Variants in KIAA1958 observed in about 807,000 individuals in gnomAD.
The protein encoded by KIAA1958 is uncharacterized protein KIAA1958.
A neutral mutation model predicts 47.2 loss-of-function variants in KIAA1958; 14 were observed. That is an observed-to-expected ratio of 0.30 (90% CI 0.20 to 0.46). The LOEUF is 0.46. Among genes scored for constraint, KIAA1958 ranks in the 20% least tolerant of loss-of-function variants. The probability of loss-of-function intolerance (pLI) is 1.00; values close to 1 mark genes in which losing one functional copy is unlikely to be tolerated. For missense variants in KIAA1958, 803 were observed against 909.2 expected, an observed-to-expected ratio of 0.88 and a Z score of 1.50; for synonymous variants, 354 against 353.3, an observed-to-expected ratio of 1.00 and a Z score of -0.02.
chr9:112,627,620 G>T (rs1836640154), intron 2 of KIAA1958, among the ~76,000 whole-genome samples: 1 of 152,170 alleles, frequency 6.6e-6, no homozygotes, highest in Non-Finnish European at 1.5e-5. Flanking sequence ...TGGGTGTGGT[G>T]GCTCACACCT....
At chr9:112,496,731 G>C (rs3849132) in intron 1 of KIAA1958, among the ~76,000 whole-genome samples, 1 of 152,138 alleles carries the variant, frequency 6.6e-6, no homozygotes, top group Non-Finnish European at 1.5e-5. Flanking sequence ...TTAGGTTCTT[G>C]TGGTCTCGCG....
In KIAA1958 at chr9:112,576,311, C is replaced by T. The variant is rs182946862; in HGVS notation, c.1171+1060C>T. ...ATTTATATCCTGATTGAAGATTATG[C>T]TTTTCAGTTTATTCACTTTTATCTT... On this transcript the variant is annotated intron_variant, in intron 2 of 3. Coordinates refer to ENST00000337530, the MANE Select transcript of KIAA1958 (RefSeq NM_133465.4). Among the ~76,000 whole-genome samples, 27 of 152,156 alleles carry T rather than the reference C, an allele frequency of 1.8e-4. No homozygotes were observed. The East Asian group carries it at 5.0e-3, about 28-fold the overall frequency.
At chr9:112,623,188 A>G (rs1481087105) in intron 2 of KIAA1958, among the ~76,000 whole-genome samples, 13 of 152,232 alleles carry the variant, frequency 8.5e-5, no homozygotes, top group Non-Finnish European at 1.6e-4. Flanking sequence ...AGGTGCACAT[A>G]TGCATCAGAG....
In KIAA1958 at chr9:112,663,399, G is replaced by C. The variant is rs1837310702; in HGVS notation, c.*3330G>C. On this transcript the variant is annotated 3_prime_UTR_variant, in exon 4 of 4. Coordinates refer to ENST00000337530, the MANE Select transcript of KIAA1958 (RefSeq NM_133465.4). ...CATGCAATAAATGTTAGCCAGCTTA[G>C]TTATAACTTTTGGTAATAATTAATA... is the stretch of plus-strand genomic sequence containing the variant. 6.6e-6 allele frequency: 1 copy of C among 152,182 alleles called. No individual in the cohort carries two copies. Among genetic ancestry groups the C allele is most frequent in the Non-Finnish European group, 1.5e-5 (1 of 68,038 alleles). The allele number at this position is 152,182 out of a possible 1,614,324, so 9.4% of individuals were successfully genotyped here. A position where few individuals can be genotyped will look rare whatever the true frequency, so the allele number is the denominator to read the frequency against.
chr9:112,642,032 T>C (rs569992844), intron 2 of KIAA1958, among the ~76,000 whole-genome samples: 62 of 152,334 alleles, frequency 4.1e-4, no homozygotes, highest in Non-Finnish European at 7.6e-4. Context: ...GTGACTGTCA[T>C]GCTACTGGTT....
At chr9:112,531,155 G>A (rs1400725806) in intron 1 of KIAA1958, among the ~76,000 whole-genome samples, 3 of 152,184 alleles carry the variant, frequency 2.0e-5, no homozygotes, top group Admixed American at 6.5e-5. Context: ...TTGGGAGGCC[G>A]AGGCAGGCGT....
At chr9:112,549,061 C>T (rs75520399) in intron 1 of KIAA1958, among the ~76,000 whole-genome samples, 1,867 of 152,290 alleles carry the variant, frequency 0.012, 33 homozygotes, top group African/African-American at 0.042. Context: ...TTAAGGAATC[C>T]TGTCTGTGGT....
At chr9:112,631,646 A>C (rs1251811338) in intron 2 of KIAA1958, among the ~76,000 whole-genome samples, 1 of 152,154 alleles carries the variant, frequency 6.6e-6, no homozygotes, top group East Asian at 1.9e-4. Flanking sequence ...AATAATTGAT[A>C]AATAGTAATA....
chr9:112,641,725 A>G (rs1836894943), intron 2 of KIAA1958, among the ~76,000 whole-genome samples: 1 of 152,060 alleles, frequency 6.6e-6, no homozygotes, highest in Non-Finnish European at 1.5e-5. Context: ...CCTGCCCTGT[A>G]GGGAAGAGTC....
chr9:112,499,063 T>C (rs1834091884), intron 1 of KIAA1958, among the ~76,000 whole-genome samples: 1 of 152,204 alleles, frequency 6.6e-6, no homozygotes, highest in Non-Finnish European at 1.5e-5. Flanking sequence ...TTGTGGCAAA[T>C]GGTGGGATTT....
chr9:112,566,904 G>A (rs997898079), intron 1 of KIAA1958, among the ~76,000 whole-genome samples: 15 of 152,076 alleles, frequency 9.9e-5, no homozygotes, highest in Non-Finnish European at 1.9e-4. Flanking sequence ...TGAGGCAAAG[G>A]GGTGTTTAAA....
At chr9:112,648,646 G>A (rs1042352653) in intron 3 of KIAA1958, among the ~76,000 whole-genome samples, 1 of 152,158 alleles carries the variant, frequency 6.6e-6, no homozygotes, top group Non-Finnish European at 1.5e-5. Flanking sequence ...CCTAGACAGA[G>A]CACTGCTCTA....
chr9:112,647,847 A>C (rs1216819370), intron 3 of KIAA1958, among the ~76,000 whole-genome samples: 2 of 152,254 alleles, frequency 1.3e-5, no homozygotes, highest in Non-Finnish European at 2.9e-5. Flanking sequence ...GAATCTGCTC[A>C]AAGTTTGGCA....
At position 112,489,514 on chromosome 9, in the gene KIAA1958, G is replaced by GT. The variant is rs1440503609; in HGVS notation, c.-25+2402dup. On this transcript the variant is annotated intron_variant, in intron 1 of 3. Coordinates refer to ENST00000337530, the MANE Select transcript of KIAA1958 (RefSeq NM_133465.4). ...ACTGATAGGTAGATAAGAATTTTTT[G>GT]TTTTTTGTGTAATTAGCAATAATAT... 6.2e-5 allele frequency among the ~76,000 whole-genome samples: 9 copies of GT among 144,984 alleles called. 1 individual carries two copies. The highest frequency in any genetic ancestry group is 1.2e-4 in the Non-Finnish European group (8 of 65,982).
At chr9:112,512,856 G>C (rs1199184488) in intron 1 of KIAA1958, among the ~76,000 whole-genome samples, 1 of 151,722 alleles carries the variant, frequency 6.6e-6, no homozygotes, top group Non-Finnish European at 1.5e-5. Context: ...TTGTTTTTTT[G>C]AGACAGAGCC....
intron 1 of KIAA1958, among the ~76,000 whole-genome samples, chr9:112,551,549 T>C (rs997527293): frequency 2.0e-5 from 3 of 152,222 alleles, no homozygotes; most frequent in African/African-American, 7.2e-5. Context: ...TCAACAAAAG[T>C]TACATAATTG....
At chr9:112,549,043 C>T (rs1835093448) in intron 1 of KIAA1958, among the ~76,000 whole-genome samples, 1 of 151,996 alleles carries the variant, frequency 6.6e-6, no homozygotes, top group Non-Finnish European at 1.5e-5. Flanking sequence ...AAAATAACTT[C>T]CTGTTGCTTA....
chr9:112,583,551 G>A lies in KIAA1958; in HGVS notation c.1171+8300G>A, dbSNP rs114346533. 5.9e-3 allele frequency among the ~76,000 whole-genome samples: 903 copies of A among 152,100 alleles called. 12 individuals are homozygous for A. The highest frequency in any genetic ancestry group is 0.02 in the African/African-American group (840 of 41,500). ...CTACAGTGCAACTTCTTGATAACAGGAGAAAAAAATCAGTTAACCTTAGTG... is the reference window on the plus strand; with the variant it reads ...CTACAGTGCAACTTCTTGATAACAGAAGAAAAAAATCAGTTAACCTTAGTG... On this transcript the variant is annotated intron_variant, in intron 2 of 3. Coordinates refer to ENST00000337530, the MANE Select transcript of KIAA1958 (RefSeq NM_133465.4).
chr9:112,519,149 C>CAA (rs1287381487), intron 1 of KIAA1958, among the ~76,000 whole-genome samples: 1 of 152,008 alleles, frequency 6.6e-6, no homozygotes, highest in Non-Finnish European at 1.5e-5. Flanking sequence ...CACTATGTTA[C>CAA]CCAGGTTGGT....
Sources: gnomAD v4.1 joint callset for allele counts (sites outside exome capture counted in the v4.1 genomes callset) on GRCh38, gnomAD v4.1.1 for gene constraint, MANE v1.5 for transcripts, NCBI Gene and HGNC (gene_info 2026-07-23, HGNC 2026-07-21) for gene names.